Variants in CHST9 observed in about 807,000 individuals in gnomAD.
The protein encoded by CHST9 is carbohydrate sulfotransferase 9, also known as GalNAc-4-sulfotransferase 2.
In CHST9, 41 loss-of-function variants were observed where a neutral mutation model predicts 44.4. The ratio of observed to expected loss-of-function variants is 0.92; its 90% CI spans 0.72 to 1.20. The LOEUF is 1.20. CHST9 is among the 50% of genes most tolerant of loss of function. CHST9 has a pLI of 0.00. For synonymous variants in CHST9, 171 were observed against 178.4 expected (o/e 0.96, Z 0.33); for missense variants, 504 against 516.5 (o/e 0.98, Z 0.23).
rs1424015641 is a variant in CHST9 at position 27,169,368 on chromosome 18, T to C, written c.-97+15768A>G. The stretch of plus-strand genomic sequence containing the variant: ...TACTAGAAATATAATTCTAAACTTA[T>C]ATGCACCTAATAGCATGGCATCAAA... On this transcript the variant is annotated intron_variant, in intron 1 of 5. Coordinates refer to ENST00000618847, the MANE Select transcript of CHST9 (RefSeq NM_031422.6). 6.6e-5 allele frequency among the ~76,000 whole-genome samples: 10 copies of C among 152,276 alleles called. No homozygotes were observed. The East Asian group carries it at 1.5e-3, about 24-fold the overall frequency.
intron 5 of CHST9, chr18:26,934,240 T>TC (rs199910363): frequency 1.5e-4 from 22 of 150,612 alleles, no homozygotes; most frequent in Non-Finnish European, 2.1e-4. Flanking sequence ...TTTCTTTCTT[T>TC]TTTTTTTTTT....
intron 2 of CHST9, among the ~76,000 whole-genome samples, chr18:27,124,748 G>C (rs9959436): frequency 0.011 from 1,607 of 152,258 alleles, 24 homozygotes; most frequent in African/African-American, 0.034. Context: ...TTCTGCCACT[G>C]GTTCAGTGAA....
chr18:27,000,650 ATCTATCTC>A (rs1385147630), intron 4 of CHST9, among the ~76,000 whole-genome samples: 35 of 150,900 alleles, frequency 2.3e-4, no homozygotes, highest in South Asian at 1.1e-3. Context: ...CTATCTATCT[ATCTATCTC>A]TCTATCTATC....
rs111504804 is a variant in CHST9 at position 27,138,956 on chromosome 18, A to G, written c.121+3733T>C. On this transcript the variant is annotated intron_variant, in intron 2 of 5. Coordinates refer to ENST00000618847, the MANE Select transcript of CHST9 (RefSeq NM_031422.6). Reference sequence around the variant, plus strand: ...CAAATTAGCACTAGGAAATGGATAAATTAATGGATAGTGATATTGAAAAAG... The same window carrying G: ...CAAATTAGCACTAGGAAATGGATAAGTTAATGGATAGTGATATTGAAAAAG... Among the ~76,000 whole-genome samples, 1,480 of 152,338 alleles carry G rather than the reference A, an allele frequency of 9.7e-3. 23 individuals are homozygous for G. Among genetic ancestry groups the G allele is most frequent in the African/African-American group, 0.033 (1,368 of 41,580 alleles).
chr18:27,118,796 T>A (rs1327200626), intron 2 of CHST9, among the ~76,000 whole-genome samples: 2 of 152,208 alleles, frequency 1.3e-5, no homozygotes, highest in Non-Finnish European at 2.9e-5. Flanking sequence ...TCCCAAGTAG[T>A]CCCACAGTCT....
At chr18:26,963,978 A>G (rs1568111794) in intron 4 of CHST9, among the ~76,000 whole-genome samples, 1 of 152,232 alleles carries the variant, frequency 6.6e-6, no homozygotes, top group Non-Finnish European at 1.5e-5. Context: ...AGAAAAAGTG[A>G]TTATGTAATC....
At chr18:27,055,937 C>CGTGTGTGTGTGTGTGT (rs35128328) in intron 2 of CHST9, among the ~76,000 whole-genome samples, 1 of 147,344 alleles carries the variant, frequency 6.8e-6, no homozygotes, top group Admixed American at 6.8e-5. Context: ...TTCTCTCTTT[C>CGTGTGTGTGTGTGTGT]GTGTGTGTGT....
At chr18:27,054,548 T>A (rs1243455873) in intron 2 of CHST9, among the ~76,000 whole-genome samples, 2 of 152,158 alleles carry the variant, frequency 1.3e-5, no homozygotes, top group African/African-American at 2.4e-5. Context: ...GTAAACTGAG[T>A]CTCAATATTT....
chr18:27,052,242 AT>A (rs1326727209), intron 2 of CHST9, among the ~76,000 whole-genome samples: 3 of 151,794 alleles, frequency 2.0e-5, no homozygotes. Flanking sequence ...GTGTGTATAT[AT>A]AGGTGTGTGT....
chr18:27,163,096 T>C (rs1002885548), intron 1 of CHST9, among the ~76,000 whole-genome samples: 2 of 152,206 alleles, frequency 1.3e-5, no homozygotes, highest in African/African-American at 4.8e-5. Context: ...CTTGTTTGCC[T>C]GGGTATCAGC....
chr18:27,169,829 G>A (rs543176093), intron 1 of CHST9, among the ~76,000 whole-genome samples: 1 of 151,800 alleles, frequency 6.6e-6, no homozygotes, highest in Non-Finnish European at 1.5e-5. Flanking sequence ...GGATGGTCTC[G>A]ATCTCCTAAC....
chr18:27,091,509 T>C (rs577988821), intron 2 of CHST9, among the ~76,000 whole-genome samples: 15 of 152,304 alleles, frequency 9.8e-5, no homozygotes, highest in African/African-American at 3.6e-4. Context: ...AGAGAGGGCA[T>C]CTTTGCCTTG....
intron 4 of CHST9, among the ~76,000 whole-genome samples, chr18:26,954,800 TA>T (rs1447497635): frequency 6.6e-6 from 1 of 152,172 alleles, no homozygotes; most frequent in Non-Finnish European, 1.5e-5. Context: ...CAGGTCTGGT[TA>T]CTTTTTTGCT....
intron 4 of CHST9, among the ~76,000 whole-genome samples, chr18:27,015,323 T>TTTGTG (rs369592806): frequency 2.3e-3 from 337 of 146,454 alleles, no homozygotes; most frequent in Middle Eastern, 3.5e-3. Flanking sequence ...AGAGAGGCAG[T>TTTGTG]TGTGTGTGTG....
chr18:27,013,482 G>A (rs11877380), intron 4 of CHST9, among the ~76,000 whole-genome samples: 2,116 of 152,284 alleles, frequency 0.014, 36 homozygotes, highest in African/African-American at 0.033. Context: ...GCTTGAGCCC[G>A]AGGCCCTGAT....
intron 4 of CHST9, among the ~76,000 whole-genome samples, chr18:26,947,310 G>T (rs2145122958): frequency 6.6e-6 from 1 of 152,088 alleles, no homozygotes; most frequent in Non-Finnish European, 1.5e-5. Context: ...TCATGATTTG[G>T]CTCTCTGTTT....
chr18:26,972,074 G>T (rs1269250616), intron 4 of CHST9, among the ~76,000 whole-genome samples: 1 of 151,914 alleles, frequency 6.6e-6, no homozygotes, highest in African/African-American at 2.4e-5. Context: ...TGGTTACATT[G>T]GGCCAGACGC....
chr18:26,970,196 T>C (rs2056523422), intron 4 of CHST9, among the ~76,000 whole-genome samples: 1 of 152,208 alleles, frequency 6.6e-6, no homozygotes, highest in Non-Finnish European at 1.5e-5. Context: ...GTTAAGCTTC[T>C]AAAATACAGA....
At chr18:27,145,252 C>A (rs978354567) in intron 1 of CHST9, among the ~76,000 whole-genome samples, 5 of 152,012 alleles carry the variant, frequency 3.3e-5, no homozygotes. Flanking sequence ...AGTGCAGTGC[C>A]GCAATCTTGG....
Sources: allele counts gnomAD v4.1 joint callset (sites outside exome capture counted in the v4.1 genomes callset), GRCh38; gene constraint gnomAD v4.1.1; transcripts MANE v1.5; gene names NCBI Gene and HGNC (gene_info 2026-07-23, HGNC 2026-07-21).